SYT1: variants seen among roughly 807,000 people sequenced by gnomAD.
SYT1 encodes synaptotagmin 1, also known as synaptotagmin-1.
A neutral mutation model predicts 44.8 loss-of-function variants in SYT1; 8 were observed. The observed-to-expected ratio is 0.18, with a 90% CI of 0.10 to 0.32. SYT1 has a LOEUF of 0.32. Among genes scored for constraint, SYT1 ranks in the 10% least tolerant of loss-of-function variants. SYT1 has a pLI of 1.00. For missense variants in SYT1, 286 were observed against 509.3 expected (o/e 0.56, Z 4.22); for synonymous variants, 154 against 188.8 (o/e 0.82, Z 1.51).
At chr12:79,249,055 A>G (rs562618966) in intron 4 of SYT1, among the ~76,000 whole-genome samples, 22 of 133,262 alleles carry the variant, frequency 1.7e-4, no homozygotes, top group Admixed American at 1.3e-3. Context: ...GGCAACCACT[A>G]TGCAAATTAT....
intron 10 of SYT1, among the ~76,000 whole-genome samples, chr12:79,446,045 T>C (rs545090798): frequency 1.6e-3 from 164 of 101,376 alleles, no homozygotes; most frequent in African/African-American, 5.8e-3. Context: ...TATGCCTAGG[T>C]CCAAGTTAAC....
intron 1 of SYT1, among the ~76,000 whole-genome samples, chr12:78,973,932 AAAAAAAATATATATATATATAT>A (rs1868587776): frequency 2.9e-5 from 1 of 34,038 alleles, no homozygotes; most frequent in African/African-American, 1.1e-4. Context: ...AAAAAAAAAA[AAAAAAAATATATATATATATAT>A]ATATATATAT....
At chr12:79,258,450 A>G (rs1376861819) in intron 4 of SYT1, among the ~76,000 whole-genome samples, 1 of 152,138 alleles carries the variant, frequency 6.6e-6, no homozygotes, top group African/African-American at 2.4e-5. Context: ...TACAAGTGAC[A>G]TGGATTTCTG....
chr12:78,884,365 T>C (rs1484332304), intron 1 of SYT1, among the ~76,000 whole-genome samples: 1 of 150,480 alleles, frequency 6.6e-6, no homozygotes, highest in African/African-American at 2.5e-5. Flanking sequence ...GTGTGAAACA[T>C]GTTAATTTGA....
chr12:79,173,249 C>T (rs1379493107), intron 3 of SYT1, among the ~76,000 whole-genome samples: 4 of 151,984 alleles, frequency 2.6e-5, no homozygotes, highest in Admixed American at 2.6e-4. Context: ...ATCAGCAATG[C>T]TCCCCTGCAA....
At chr12:79,383,915 A>G (rs1884325228) in intron 9 of SYT1, among the ~76,000 whole-genome samples, 1 of 152,196 alleles carries the variant, frequency 6.6e-6, no homozygotes, top group South Asian at 2.1e-4. Flanking sequence ...CGCCAACCAT[A>G]TAACCTGTCC....
chr12:79,216,509 C>T (rs1056506273), intron 3 of SYT1, among the ~76,000 whole-genome samples: 3 of 152,090 alleles, frequency 2.0e-5, no homozygotes, highest in Non-Finnish European at 2.9e-5. Flanking sequence ...TACATTTGTA[C>T]CTTCACGTGT....
At chr12:79,279,893 T>C in intron 4 of SYT1, among the ~76,000 whole-genome samples, 1 of 152,014 alleles carries the variant, frequency 6.6e-6, no homozygotes. Context: ...CCATTTATAA[T>C]AGCTGCAAAA....
At chr12:79,229,749 A>C (rs1875751346) in intron 4 of SYT1, among the ~76,000 whole-genome samples, 1 of 152,028 alleles carries the variant, frequency 6.6e-6, no homozygotes, top group Non-Finnish European at 1.5e-5. Context: ...GCTCACCACC[A>C]TGCCTGGCTA....
chr12:78,873,164 A>G (rs1207665103), intron 1 of SYT1, among the ~76,000 whole-genome samples: 1 of 151,662 alleles, frequency 6.6e-6, no homozygotes, highest in African/African-American at 2.4e-5. Flanking sequence ...AGGAGACTCA[A>G]GTGTTGTTAC....
chr12:78,997,609 G>A (rs1337958145), intron 2 of SYT1, among the ~76,000 whole-genome samples: 1 of 151,818 alleles, frequency 6.6e-6, no homozygotes. Context: ...CCTCCCAGAA[G>A]CCATCTATTA....
At chr12:79,231,229 G>A (rs1875848063) in intron 4 of SYT1, among the ~76,000 whole-genome samples, 1 of 152,116 alleles carries the variant, frequency 6.6e-6, no homozygotes. Context: ...ATTTTTGTTT[G>A]TTTTGATTTT....
chr12:79,416,157 G>T (rs1192870916), intron 9 of SYT1, among the ~76,000 whole-genome samples: 2 of 152,126 alleles, frequency 1.3e-5, no homozygotes, highest in African/African-American at 2.4e-5. Context: ...AACCACGAAG[G>T]CCAAGTCTGA....
At chr12:79,319,669 C>A (rs1881262040) in intron 8 of SYT1, among the ~76,000 whole-genome samples, 1 of 152,036 alleles carries the variant, frequency 6.6e-6, no homozygotes. Flanking sequence ...CCATTCAACA[C>A]CACTCCCAAG....
At chr12:78,919,410 A>G (rs746412600) in intron 1 of SYT1, among the ~76,000 whole-genome samples, 34 of 152,094 alleles carry the variant, frequency 2.2e-4, no homozygotes, top group Non-Finnish European at 4.0e-4. Flanking sequence ...AGGCAGACCA[A>G]GAGAATAGTC....
intron 1 of SYT1, among the ~76,000 whole-genome samples, chr12:78,928,636 G>A (rs952522296): frequency 3.9e-5 from 6 of 152,052 alleles, no homozygotes; most frequent in African/African-American, 1.4e-4. Flanking sequence ...TGATATCACA[G>A]ACAGTCAATC....
At chr12:79,009,643 T>C (rs1369487675) in intron 2 of SYT1, among the ~76,000 whole-genome samples, 2 of 152,172 alleles carry the variant, frequency 1.3e-5, no homozygotes, top group Non-Finnish European at 2.9e-5. Context: ...TTAAACATTG[T>C]GCCAATATCA....
chr12:79,099,081 C>T (rs903359734), intron 3 of SYT1, among the ~76,000 whole-genome samples: 2 of 152,104 alleles, frequency 1.3e-5, no homozygotes, highest in African/African-American at 4.8e-5. Context: ...TTAGTGCTAT[C>T]CTTAGTAACT....
At chr12:79,113,792 A>G (rs775981256) in intron 3 of SYT1, among the ~76,000 whole-genome samples, 2 of 152,152 alleles carry the variant, frequency 1.3e-5, no homozygotes, top group African/African-American at 2.4e-5. Flanking sequence ...AAAAACTGCT[A>G]TAGTGTCCTG....
Sources: allele counts gnomAD v4.1 joint callset (sites outside exome capture counted in the v4.1 genomes callset), GRCh38; gene constraint gnomAD v4.1.1; transcripts MANE v1.5; gene names NCBI Gene and HGNC (gene_info 2026-07-23, HGNC 2026-07-21).